NINJ2: variants seen among roughly 807,000 people sequenced by gnomAD.
The protein encoded by NINJ2 is ninjurin-2.
Under a neutral mutation model 11.7 loss-of-function variants are expected in NINJ2, and 12 were observed. The observed-to-expected ratio is 1.02, with a 90% CI of 0.66 to 1.66. The LOEUF (loss-of-function observed/expected upper bound fraction) is 1.66, where lower values mean the gene tolerates loss of function less well. Ranked by LOEUF, NINJ2 falls within the 40% of genes most tolerant of loss-of-function variation. The pLI, the probability that NINJ2 is intolerant of heterozygous loss-of-function variation, is 0.00. For missense variants in NINJ2, 187 were observed against 181.8 expected (o/e 1.03, Z -0.16); for synonymous variants, 93 against 76.8 (o/e 1.21, Z -1.10).
At chr12:653,473 G>A (rs111965231) in intron 1 of NINJ2, among the ~76,000 whole-genome samples, 2,083 of 152,128 alleles carry the variant, frequency 0.014, 23 homozygotes, top group Middle Eastern at 0.024. Context: ...ATGATACGTG[G>A]AACAGGATGG....
At chr12:643,310 C>A in intron 1 of NINJ2, 1 of 436,430 alleles carries the variant, frequency 2.3e-6, no homozygotes, top group Non-Finnish European at 3.1e-6. Flanking sequence ...TGCACCGTCG[C>A]GGCCTCGCAG....
intron 1 of NINJ2, among the ~76,000 whole-genome samples, chr12:584,069 A>C (rs367676855): frequency 6.6e-6 from 1 of 150,494 alleles, no homozygotes; most frequent in Non-Finnish European, 1.5e-5. Flanking sequence ...TAAAAAAAAA[A>C]CCCAAAATGT....
chr12:565,916 G>A, intron 2 of NINJ2, 34 bp downstream of exon 2: 3 of 1,591,420 alleles, frequency 1.9e-6, no homozygotes, highest in Non-Finnish European at 2.6e-6. Context: ...CGGGTGCCGA[G>A]GCAGAAGGTC....
At chr12:638,617 G>A (rs1426164632) in intron 1 of NINJ2, among the ~76,000 whole-genome samples, 4 of 152,154 alleles carry the variant, frequency 2.6e-5, no homozygotes, top group African/African-American at 4.8e-5. Context: ...GGGTTTCACC[G>A]TGTTAGCCAT....
At chr12:656,635 G>C (rs1039461452) in intron 1 of NINJ2, among the ~76,000 whole-genome samples, 2 of 151,758 alleles carry the variant, frequency 1.3e-5, no homozygotes, top group African/African-American at 4.8e-5. Flanking sequence ...TGTAATCCCA[G>C]CTACTCGGGA....
At chr12:660,360 C>CTTT (rs577585379) in intron 1 of NINJ2, among the ~76,000 whole-genome samples, 2 of 121,450 alleles carry the variant, frequency 1.6e-5, no homozygotes, top group East Asian at 5.3e-4. Context: ...TTTTTCTTTT[C>CTTT]TTTTTTTTTT....
chr12:583,920 A>G (rs1315182969), intron 1 of NINJ2, among the ~76,000 whole-genome samples: 1 of 152,200 alleles, frequency 6.6e-6, no homozygotes, highest in Admixed American at 6.5e-5. Context: ...TTAAGGATCT[A>G]TATTTATATA....
intron 1 of NINJ2, among the ~76,000 whole-genome samples, chr12:636,197 A>T (rs1164919181): frequency 2.6e-5 from 4 of 151,600 alleles, no homozygotes; most frequent in African/African-American, 7.3e-5. Flanking sequence ...ACCAACATGG[A>T]GAAACCCCGT....
Position 581,319 on chromosome 12 carries a change from G to A in NINJ2, c.34-15141C>T, listed in dbSNP as rs532709656. On this transcript the variant is annotated intron_variant, in intron 1 of 3. Coordinates refer to ENST00000305108, the MANE Select transcript of NINJ2 (RefSeq NM_016533.6). This position sits in a 1 kb window ranked among gnomAD's most constrained non-coding sequence, Gnocchi z 4.9. ...CTGGTGCATTATCCGGAGGGAGCTC[G>A]GGGGGCCCAGGAGGTCAAGATAGAG... Among the ~76,000 whole-genome samples, 5 of 152,112 alleles carry A rather than the reference G, an allele frequency of 3.3e-5. No individual in the cohort carries two copies. The highest frequency in any genetic ancestry group is 4.8e-5 in the African/African-American group (2 of 41,406).
chr12:657,354 C>T (rs1937886891), intron 1 of NINJ2, among the ~76,000 whole-genome samples: 1 of 152,122 alleles, frequency 6.6e-6, no homozygotes, highest in Non-Finnish European at 1.5e-5. Flanking sequence ...CTTTGGGAGG[C>T]TGAGGCGGGT....
chr12:601,908 T>A (rs972744689), intron 1 of NINJ2, among the ~76,000 whole-genome samples: 10 of 152,160 alleles, frequency 6.6e-5, no homozygotes, highest in Admixed American at 1.3e-4. Flanking sequence ...TAAAATGATT[T>A]CCATGGGAAT....
chr12:621,464 A>G (rs1020940594), intron 1 of NINJ2, among the ~76,000 whole-genome samples: 24 of 56,222 alleles, frequency 4.3e-4, no homozygotes, highest in South Asian at 1.2e-3. Flanking sequence ...AAAGAAAAGA[A>G]AGAAAAAGAA....
intron 1 of NINJ2, among the ~76,000 whole-genome samples, chr12:646,405 A>G (rs777859893): frequency 2.0e-5 from 3 of 152,110 alleles, no homozygotes; most frequent in Non-Finnish European, 2.9e-5. Flanking sequence ...CCAGGATCCC[A>G]TTTACAGAGA....
At chr12:579,392 C>T (rs1947513999) in intron 1 of NINJ2, among the ~76,000 whole-genome samples, 1 of 152,122 alleles carries the variant, frequency 6.6e-6, no homozygotes, top group African/African-American at 2.4e-5. Context: ...AGATCCCTGC[C>T]TTCCCGAAGC....
chr12:634,877 G>T (rs372067444), intron 1 of NINJ2, among the ~76,000 whole-genome samples: 1 of 152,094 alleles, frequency 6.6e-6, no homozygotes, highest in East Asian at 1.9e-4. Context: ...TGAGGGAATG[G>T]TATAAGTACA....
chr12:617,658 T>C (rs1345134027), intron 1 of NINJ2, among the ~76,000 whole-genome samples: 1 of 152,192 alleles, frequency 6.6e-6, no homozygotes, highest in African/African-American at 2.4e-5. Context: ...GGCTGAGCAC[T>C]CCCAGCTGCA....
At chr12:582,779 TAG>T (rs1947574743) in intron 1 of NINJ2, among the ~76,000 whole-genome samples, 1 of 68,526 alleles carries the variant, frequency 1.5e-5, no homozygotes, top group Non-Finnish European at 2.7e-5. Flanking sequence ...GCAGGCATGC[TAG>T]AGTGAATGAA....
rs1341723332 is a variant in NINJ2, at chr12:639,571, T to C, written c.33+23757A>G. On this transcript the variant is annotated intron_variant, in intron 1 of 3. Transcript: ENST00000305108. ...AACAGAAAAGAAAAAAAAGTCCCCATTGCCACCCTAACCTATGGCTCCGTT... is the reference window on the plus strand; with the variant it reads ...AACAGAAAAGAAAAAAAAGTCCCCACTGCCACCCTAACCTATGGCTCCGTT... 2.6e-5 allele frequency among the ~76,000 whole-genome samples: 4 copies of C among 152,162 alleles called. No individual in the cohort carries two copies. The South Asian group carries it at 6.2e-4, about 24-fold the overall frequency.
chr12:565,273 C>A lies in NINJ2; in HGVS notation c.391G>T (p.Gly131Trp), dbSNP rs923333717. ...FITAFGAHKT[G>W]FLAARASRNP... Reference sequence around the variant, plus strand: ...CTTGAGGCCCTGGCAGCCAGGAACCCTGTTTTATGTGCCCCGAAGGCTGTA... The same window carrying A: ...CTTGAGGCCCTGGCAGCCAGGAACCATGTTTTATGTGCCCCGAAGGCTGTA... The change falls in exon 3 of 4, where the codon GGG becomes TGG. Residue 131 changes from glycine to tryptophan, a missense_variant. Physicochemically the swap from Gly to Trp is radical, Grantham distance 184. Coordinates refer to ENST00000305108, the MANE Select transcript of NINJ2 (RefSeq NM_016533.6). 1 of 1,614,082 alleles carries A rather than the reference C, an allele frequency of 6.2e-7. No homozygotes were observed. Among genetic ancestry groups the A allele is most frequent in the African/African-American group, 1.3e-5 (1 of 74,938 alleles).
Sources: allele counts gnomAD v4.1 joint callset (sites outside exome capture counted in the v4.1 genomes callset), GRCh38; gene constraint gnomAD v4.1.1; non-coding constraint Gnocchi (gnomAD v3.1); transcripts MANE v1.5; gene names NCBI Gene and HGNC (gene_info 2026-07-23, HGNC 2026-07-21).